LRRC9: variants seen among roughly 807,000 people sequenced by gnomAD.
LRRC9 encodes the protein leucine rich repeat containing 9.
A neutral mutation model predicts 63.2 loss-of-function variants in LRRC9; 122 were observed. The observed-to-expected ratio is 1.93, with a 90% CI of 1.67 to 2.24. The LOEUF (loss-of-function observed/expected upper bound fraction) is 2.24. LRRC9 is among the 30% of genes most tolerant of loss of function. The pLI is 0.00. For synonymous variants in LRRC9, 366 were observed against 213.1 expected (o/e 1.72, Z -6.25); for missense variants, 1,071 against 627.7 (o/e 1.71, Z -7.55).
At chr14:59,956,744 A>C (rs1487383835) in intron 8 of LRRC9, among the ~76,000 whole-genome samples, 2 of 152,192 alleles carry the variant, frequency 1.3e-5, no homozygotes, top group East Asian at 3.9e-4. Context: ...ATTGGTCTTT[A>C]TATTTTGTTA....
At chr14:59,949,525 T>G (rs1439913675) in intron 8 of LRRC9, among the ~76,000 whole-genome samples, 1 of 151,352 alleles carries the variant, frequency 6.6e-6, no homozygotes, top group Non-Finnish European at 1.5e-5. Flanking sequence ...CTGCTCTGAT[T>G]TTAGTTATTT....
chr14:60,057,197 A>C (rs947847630), intron 30 of LRRC9, among the ~76,000 whole-genome samples: 3 of 152,190 alleles, frequency 2.0e-5, no homozygotes, highest in African/African-American at 7.2e-5. Flanking sequence ...AAACAAGGTC[A>C]GTCTTAACAA....
intron 1 of LRRC9, among the ~76,000 whole-genome samples, chr14:59,921,318 A>G (rs139074329): frequency 1.3e-5 from 2 of 152,304 alleles, no homozygotes; most frequent in Non-Finnish European, 2.9e-5. Flanking sequence ...GGGGTAAAGC[A>G]TGAGCAGATT....
intron 24 of LRRC9, 145 bp from the exon 25 acceptor site, chr14:60,018,226 C>A (rs1595038007): frequency 3.4e-6 from 2 of 584,420 alleles, no homozygotes; most frequent in Non-Finnish European, 3.1e-6. Flanking sequence ...TTAACCAATT[C>A]ATTTTACATT....
chr14:60,019,254 C>G (rs1307007680), exon 26 of LRRC9: 1 of 689,262 alleles, frequency 1.5e-6, no homozygotes, highest in Non-Finnish European at 2.6e-6. Context: ...ATTTCAAAAA[C>G]AAACAGGTAG....
At chr14:59,929,694 A>G (rs370438707) in intron 3 of LRRC9, among the ~76,000 whole-genome samples, 1 of 152,178 alleles carries the variant, frequency 6.6e-6, no homozygotes, top group South Asian at 2.1e-4. Flanking sequence ...TCAGTAGTAG[A>G]CTGGATAAAG....
chr14:59,926,330 G>A (rs1402577651), intron 1 of LRRC9, among the ~76,000 whole-genome samples: 1 of 152,026 alleles, frequency 6.6e-6, no homozygotes. Context: ...TTTGGGGAGG[G>A]AAGATAGGTA....
chr14:60,028,214 C>T (rs1342974259), intron 28 of LRRC9, 113 bp downstream of exon 28: 2 of 591,006 alleles, frequency 3.4e-6, no homozygotes, highest in African/African-American at 3.7e-5. Context: ...TATTTATCAC[C>T]TATATACCAT....
At position 59,966,506 on chromosome 14, in the gene LRRC9, T is replaced by C. The variant is rs1884872867; in HGVS notation, c.1212-83T>C. The C allele has an allele frequency of 3.6e-5, 17 of 475,810 alleles. No individual in the cohort carries two copies. In the Admixed American group the frequency reaches 5.5e-4, roughly 15 times the overall value. The allele number at this position is 475,810 out of a possible 1,614,324, so 29.5% of individuals were successfully genotyped here. A position where few individuals can be genotyped will look rare whatever the true frequency, so the allele number is the denominator to read the frequency against. On this transcript the variant is annotated intron_variant, in intron 10 of 31. Coordinates refer to ENST00000445360, the Ensembl canonical transcript of LRRC9. The surrounding 1 kb of genome is among the most constrained non-coding windows in gnomAD (Gnocchi z 4.0). ...GACACAAAATATGAGCTATAACTTT[T>C]ATCACGTAGTTTTCTGTTCTTAAAC...
Position 60,042,684 on chromosome 14 carries a change from C to T in LRRC9, c.3991-10381C>T, listed in dbSNP as rs182773378. ...TTGGCTAGGAAAGGGAATTTCCCCACCCTTTGCACTTCCCGGGTGAGGCAA... is the reference window on the plus strand; with the variant it reads ...TTGGCTAGGAAAGGGAATTTCCCCATCCTTTGCACTTCCCGGGTGAGGCAA... On this transcript the variant is annotated intron_variant, in intron 29 of 31. Transcript: ENST00000445360. The surrounding 1 kb of genome is among the most constrained non-coding windows in gnomAD (Gnocchi z 4.2). Among the ~76,000 whole-genome samples, 7 of 152,326 alleles carry T rather than the reference C, an allele frequency of 4.6e-5. No homozygotes were observed. The East Asian group carries it at 1.2e-3, about 25-fold the overall frequency.
chr14:60,066,406 G>A (rs1279476455), downstream of LRRC9, among the ~76,000 whole-genome samples: 2 of 151,990 alleles, frequency 1.3e-5, no homozygotes, highest in African/African-American at 4.8e-5. Flanking sequence ...ATAAAGGGAG[G>A]TAAGATTATT....
In LRRC9 at chr14:59,964,382, T is replaced by A. The variant is rs1003444327; in HGVS notation, c.1212-2207T>A. On this transcript the variant is annotated intron_variant, in intron 10 of 31. Coordinates refer to ENST00000445360, the Ensembl canonical transcript of LRRC9. The surrounding 1 kb of genome is among the most constrained non-coding windows in gnomAD (Gnocchi z 4.4). ...CCACCACATAAGTGGTTTTGTTTGT[T>A]CTGTTTCCTTCACCCAGAATGCTTT... Among the ~76,000 whole-genome samples the A allele has an allele frequency of 6.6e-6, 1 of 152,208 alleles. No homozygotes were observed. The highest frequency in any genetic ancestry group is 6.5e-5 in the Admixed American group (1 of 15,290).
chr14:59,998,924 G>T (rs2140193029), intron 18 of LRRC9, among the ~76,000 whole-genome samples, 177 bp from the exon 19 acceptor site: 1 of 151,924 alleles, frequency 6.6e-6, no homozygotes, highest in Middle Eastern at 3.4e-3. Flanking sequence ...CAAACAAACA[G>T]ATTAATTATT....
intron 23 of LRRC9, among the ~76,000 whole-genome samples, chr14:60,010,383 C>A (rs1040379559): frequency 6.6e-6 from 1 of 152,192 alleles, no homozygotes; most frequent in African/African-American, 2.4e-5. Flanking sequence ...CCCTTTTAGC[C>A]ATGACTGGAG....
chr14:60,040,191 A>G (rs1443597879), intron 29 of LRRC9, among the ~76,000 whole-genome samples: 1 of 151,942 alleles, frequency 6.6e-6, no homozygotes, highest in Non-Finnish European at 1.5e-5. Flanking sequence ...TATGTGGTAC[A>G]TTTTGGAATA....
At chr14:59,949,654 T>C (rs1196699173) in intron 8 of LRRC9, among the ~76,000 whole-genome samples, 5 of 151,122 alleles carry the variant, frequency 3.3e-5, no homozygotes, top group Non-Finnish European at 1.5e-5. Flanking sequence ...AATTTCCCTC[T>C]ACACACTGCT....
At chr14:60,025,617 T>C (rs1401001338) in intron 27 of LRRC9, among the ~76,000 whole-genome samples, 1 of 151,074 alleles carries the variant, frequency 6.6e-6, no homozygotes, top group Non-Finnish European at 1.5e-5. Flanking sequence ...TTTGTCTACA[T>C]AGATTGTCAT....
At chr14:60,029,349 G>C (rs1485155750) in intron 28 of LRRC9, among the ~76,000 whole-genome samples, 2 of 152,030 alleles carry the variant, frequency 1.3e-5, no homozygotes, top group Non-Finnish European at 2.9e-5. Context: ...TAAAATGTGA[G>C]GTCTTCAAGT....
chr14:59,958,558 G>C lies in LRRC9; in HGVS notation c.883-1260G>C, dbSNP rs960912335. 6.6e-6 allele frequency among the ~76,000 whole-genome samples: 1 copy of C among 152,202 alleles called. No homozygotes were observed. Among genetic ancestry groups the C allele is most frequent in the Admixed American group, 6.5e-5 (1 of 15,274 alleles). On this transcript the variant is annotated intron_variant, in intron 8 of 31. Coordinates refer to ENST00000445360, the Ensembl canonical transcript of LRRC9. The surrounding 1 kb of genome is among the most constrained non-coding windows in gnomAD (Gnocchi z 4.0). Reference sequence around the variant, plus strand: ...CAAGCTAGTGGTTCTTAGCTTGCTGGGCTCTGTGGGAGTGGGACCCGCTGA... The same window carrying C: ...CAAGCTAGTGGTTCTTAGCTTGCTGCGCTCTGTGGGAGTGGGACCCGCTGA...
Sources: allele counts gnomAD v4.1 joint callset (sites outside exome capture counted in the v4.1 genomes callset), GRCh38; gene constraint gnomAD v4.1.1; non-coding constraint Gnocchi (gnomAD v3.1); transcripts MANE v1.5; gene names NCBI Gene and HGNC (gene_info 2026-07-23, HGNC 2026-07-21).